The following PLLP variants were observed in gnomAD, a reference collection of about 807,000 sequenced individuals.
PLLP encodes plasma membrane proteolipid (plasmolipin).
Under a neutral mutation model 19.7 loss-of-function variants are expected in PLLP, and 15 were observed. That is an observed-to-expected ratio of 0.76 (90% CI 0.51 to 1.17). PLLP has a LOEUF of 1.17. Ranked by LOEUF, PLLP falls within the 50% of genes most tolerant of loss-of-function variation. PLLP has a pLI of 0.00. For missense variants in PLLP, 255 were observed against 258.3 expected (o/e 0.99, Z 0.09); for synonymous variants, 111 against 116.3 (o/e 0.95, Z 0.29).
intron 3 of PLLP, among the ~76,000 whole-genome samples, chr16:57,257,540 T>A (rs2146436718): frequency 6.6e-6 from 1 of 152,376 alleles, no homozygotes; most frequent in East Asian, 1.9e-4. Flanking sequence ...GCTCCAGGCC[T>A]GGCGTCCAAC....
chr16:57,261,834 T>G, intron 2 of PLLP, 63 bp downstream of exon 2: 1 of 1,489,530 alleles, frequency 6.7e-7, no homozygotes, highest in South Asian at 1.1e-5. Flanking sequence ...CCCTGCCACT[T>G]CTTCTAGGGA....
intron 1 of PLLP, among the ~76,000 whole-genome samples, chr16:57,276,880 C>G (rs1435060688): frequency 6.6e-6 from 1 of 152,122 alleles, no homozygotes; most frequent in African/African-American, 2.4e-5. Context: ...TTTCTTGCAG[C>G]AGGGTGCGCA....
At chr16:57,279,487 A>G (rs1479475964) in intron 1 of PLLP, among the ~76,000 whole-genome samples, 4 of 151,822 alleles carry the variant, frequency 2.6e-5, no homozygotes, top group African/African-American at 9.7e-5. Flanking sequence ...AGTCTGGGTA[A>G]CATGATGAAA....
chr16:57,261,810 G>T (rs2075442306), intron 2 of PLLP, 87 bp downstream of exon 2: 3 of 1,241,898 alleles, frequency 2.4e-6, no homozygotes, highest in Non-Finnish European at 2.3e-6. Context: ...AGGATGTCAG[G>T]CCACCCCCCC....
At chr16:57,281,834 C>G (rs74375436) in intron 1 of PLLP, among the ~76,000 whole-genome samples, 4,233 of 152,182 alleles carry the variant, frequency 0.028, 166 homozygotes, top group African/African-American at 0.095. Flanking sequence ...TTCTAAGGCA[C>G]TAAAATGTGC....
At chr16:57,261,092 A>T (rs1377509524) in intron 2 of PLLP, among the ~76,000 whole-genome samples, 1 of 151,996 alleles carries the variant, frequency 6.6e-6, no homozygotes, top group East Asian at 1.9e-4. Flanking sequence ...GGTTCAAGCA[A>T]TTCTCCTGTC....
chr16:57,264,064 C>T (rs776348902), intron 1 of PLLP, among the ~76,000 whole-genome samples: 2 of 152,164 alleles, frequency 1.3e-5, no homozygotes, highest in Non-Finnish European at 2.9e-5. Flanking sequence ...CCTAGAGCAC[C>T]TGAGGGCCTG....
At chr16:57,272,276 T>A (rs2075478306) in intron 1 of PLLP, among the ~76,000 whole-genome samples, 1 of 152,214 alleles carries the variant, frequency 6.6e-6, no homozygotes, top group Non-Finnish European at 1.5e-5. Flanking sequence ...CCCCTTCCCC[T>A]GTCACCCAGG....
chr16:57,257,419 G>A (rs759574707), intron 3 of PLLP, among the ~76,000 whole-genome samples: 5 of 152,222 alleles, frequency 3.3e-5, no homozygotes, highest in African/African-American at 9.6e-5. Flanking sequence ...GAAGCTCCCC[G>A]TCTCTGTCCC....
chr16:57,277,248 C>T (rs1185990233), intron 1 of PLLP, among the ~76,000 whole-genome samples: 1 of 152,180 alleles, frequency 6.6e-6, no homozygotes, highest in African/African-American at 2.4e-5. Context: ...TCACTGTACT[C>T]CTTCCCTGTC....
Position 57,258,480 on chromosome 16 carries a change from G to A in PLLP, c.414C>T (p.Asn138=). 2 of 1,612,178 alleles carry A rather than the reference G, an allele frequency of 1.2e-6. No individual in the cohort carries two copies. The highest frequency in any genetic ancestry group is 1.7e-6 in the Non-Finnish European group (2 of 1,179,926). ...GACTCACCGAGGCAGCCGCGCGCTG[G>A]TTATAAGGCCGGGTGCCCCTCAGGG... ...LTSLRGTRPY[N]QRAAASFFAC... Residue 138 remains asparagine (N), a synonymous_variant, in exon 3 of 4, where the codon AAC becomes AAT. Transcript: ENST00000219207.
chr16:57,280,479 G>A (rs903758756), intron 1 of PLLP, among the ~76,000 whole-genome samples: 13 of 151,928 alleles, frequency 8.6e-5, no homozygotes, highest in African/African-American at 2.7e-4. Context: ...AAAATCTGTA[G>A]CACTGATGCC....
At chr16:57,262,349 C>T (rs946884816) in intron 1 of PLLP, among the ~76,000 whole-genome samples, 1 of 152,006 alleles carries the variant, frequency 6.6e-6, no homozygotes, top group Non-Finnish European at 1.5e-5. Flanking sequence ...GTCAGGAGTT[C>T]GAGACCAGCC....
Position 57,284,551 on chromosome 16 carries a change from C to T in PLLP, c.-11G>A. On this transcript the variant is annotated 5_prime_UTR_variant, in exon 1 of 4. Transcript: ENST00000219207. ...CGGGAACTCGGCCATGGCGGCTCCG[C>T]TTGCCTCCCGAGGTCGCTACGGCCG... 1 of 1,344,604 alleles carries T rather than the reference C, an allele frequency of 7.4e-7. No individual in the cohort carries two copies. The allele number at this position is 1,344,604 out of a possible 1,614,324, so 83.3% of individuals were successfully genotyped here.
intron 1 of PLLP, among the ~76,000 whole-genome samples, chr16:57,267,540 C>T (rs1356783036): frequency 1.3e-5 from 2 of 151,926 alleles, no homozygotes; most frequent in East Asian, 3.9e-4. Flanking sequence ...TGCACTCCAG[C>T]CTGGGGGACA....
At chr16:57,272,778 T>C (rs1284779846) in intron 1 of PLLP, among the ~76,000 whole-genome samples, 1 of 151,512 alleles carries the variant, frequency 6.6e-6, no homozygotes, top group Admixed American at 6.6e-5. Context: ...ATAAGCAAGA[T>C]CCCCATCTCT....
chr16:57,275,603 CAAAAAAA>C (rs34400512), intron 1 of PLLP, among the ~76,000 whole-genome samples: 1 of 22,316 alleles, frequency 4.5e-5, no homozygotes, highest in African/African-American at 1.5e-4. Flanking sequence ...AGAAATTCAG[CAAAAAAA>C]AAAAAAACAC....
chr16:57,261,016 C>G (rs146398603), intron 2 of PLLP, among the ~76,000 whole-genome samples: 6 of 152,162 alleles, frequency 3.9e-5, no homozygotes, highest in Non-Finnish European at 8.8e-5. Flanking sequence ...GAGGTGGAGT[C>G]TTGCTCTGTC....
At position 57,261,880 on chromosome 16, in the gene PLLP, C is replaced by A; in HGVS notation, c.309+17G>T. 1.2e-6 allele frequency: 2 copies of A among 1,611,588 alleles called. No homozygotes were observed. The highest frequency in any genetic ancestry group is 3.3e-5 in the Admixed American group (2 of 60,018). ...GGTCCTGTCATAGCCACTTCCAGTA[C>A]CCCCACCCAGACTCACCACCAGTGG... On this transcript the variant is annotated intron_variant, in intron 2 of 3. Transcript: ENST00000219207.
Sources: allele counts gnomAD v4.1 joint callset (sites outside exome capture counted in the v4.1 genomes callset), GRCh38; gene constraint gnomAD v4.1.1; transcripts MANE v1.5; gene names NCBI Gene and HGNC (gene_info 2026-07-23, HGNC 2026-07-21).